Variants in E2F6 observed in about 807,000 individuals in gnomAD.
E2F6 encodes transcription factor E2F6.
E2F6 carries 19 observed loss-of-function variants against 31.5 expected under a neutral mutation model. The observed-to-expected ratio is 0.60, with a 90% CI of 0.42 to 0.89. The LOEUF (loss-of-function observed/expected upper bound fraction) is 0.89. Among genes scored for constraint, E2F6 ranks in the 40% least tolerant of loss-of-function variants. E2F6 has a pLI of 0.00. For synonymous variants in E2F6, 121 were observed against 127.7 expected, an observed-to-expected ratio of 0.95 and a Z score of 0.36; for missense variants, 269 against 341.6, an observed-to-expected ratio of 0.79 and a Z score of 1.67.
At chr2:11,455,559 A>G (rs1213651718) in intron 2 of E2F6, 3 of 832,074 alleles carry the variant, frequency 3.6e-6, no homozygotes, top group Non-Finnish European at 5.1e-6. Context: ...CAAACTCAGG[A>G]AGATTACAAA....
intron 6 of E2F6, 108 bp from the exon 7 acceptor site, chr2:11,446,631 T>G: frequency 1.1e-6 from 1 of 878,522 alleles, no homozygotes; most frequent in Non-Finnish European, 1.8e-6. Context: ...CAGAAAACCC[T>G]GAAGATGCCT....
chr2:11,454,443 C>A (rs1277755934), intron 2 of E2F6, among the ~76,000 whole-genome samples: 3 of 151,838 alleles, frequency 2.0e-5, no homozygotes, highest in African/African-American at 7.3e-5. Flanking sequence ...CAACCTCCGC[C>A]TCCAGGGTTC....
At chr2:11,465,007 C>T (rs529719989) in intron 1 of E2F6, among the ~76,000 whole-genome samples, 1 of 151,508 alleles carries the variant, frequency 6.6e-6, no homozygotes, top group Non-Finnish European at 1.5e-5. Flanking sequence ...GGCGAAATCC[C>T]GTCTCTACTA....
chr2:11,447,958 T>C (rs1020913237), intron 5 of E2F6, among the ~76,000 whole-genome samples, 184 bp from the exon 6 acceptor site: 1 of 152,216 alleles, frequency 6.6e-6, no homozygotes, highest in African/African-American at 2.4e-5. Flanking sequence ...GCTTCAGAGC[T>C]ATCATGTGAA....
chr2:11,455,043 T>G (rs1277200073), intron 2 of E2F6, among the ~76,000 whole-genome samples: 1 of 152,374 alleles, frequency 6.6e-6, no homozygotes, highest in South Asian at 2.1e-4. Context: ...AACTACTGTA[T>G]GTCCCCTTAA....
rs77112633 is a variant in E2F6 at position 11,455,128 on chromosome 2, A to G, written c.164-1330T>C. On this transcript the variant is annotated intron_variant, in intron 2 of 6. Transcript: ENST00000381525. Reference sequence around the variant, plus strand: ...GTTGTGGGTTCTATCCATTCTATGCAGTATACACGGGCCTCATCTCACATG... The same window carrying G: ...GTTGTGGGTTCTATCCATTCTATGCGGTATACACGGGCCTCATCTCACATG... 9.8e-4 allele frequency among the ~76,000 whole-genome samples: 149 copies of G among 152,348 alleles called. 5 individuals carry two copies. The East Asian group carries it at 0.025, about 25-fold the overall frequency.
chr2:11,456,449 C>T (rs1671409910), intron 2 of E2F6, among the ~76,000 whole-genome samples: 1 of 152,250 alleles, frequency 6.6e-6, no homozygotes, highest in African/African-American at 2.4e-5. Flanking sequence ...TGGGCTCTTG[C>T]GTCAGAGAGG....
In E2F6 at chr2:11,448,083, G is replaced by A. The variant is rs867659488; in HGVS notation, c.652-309C>T. Reference sequence around the variant, plus strand: ...ACACAGAACTCCAGAATACCCTAGAGTCTCACAGGATAAATATGTGCTTGG... The same window carrying A: ...ACACAGAACTCCAGAATACCCTAGAATCTCACAGGATAAATATGTGCTTGG... On this transcript the variant is annotated intron_variant, in intron 5 of 6. Coordinates refer to ENST00000381525, the MANE Select transcript of E2F6 (RefSeq NM_198256.4). 3.9e-5 allele frequency among the ~76,000 whole-genome samples: 6 copies of A among 152,136 alleles called. No homozygotes were observed. The South Asian group carries it at 1.2e-3, about 32-fold the overall frequency.
At chr2:11,459,326 T>C (rs1241497600) in intron 1 of E2F6, among the ~76,000 whole-genome samples, 1 of 152,084 alleles carries the variant, frequency 6.6e-6, no homozygotes, top group African/African-American at 2.4e-5. Context: ...ACCCATCTCA[T>C]CTAGACAGTG....
chr2:11,455,767 T>C (rs1420810152), intron 2 of E2F6, among the ~76,000 whole-genome samples: 1 of 152,194 alleles, frequency 6.6e-6, no homozygotes, highest in Non-Finnish European at 1.5e-5. Flanking sequence ...CTCCGTAGTC[T>C]AATAAGGAAC....
intron 1 of E2F6, among the ~76,000 whole-genome samples, chr2:11,460,769 G>A (rs1176818381): frequency 6.6e-6 from 1 of 152,222 alleles, no homozygotes; most frequent in African/African-American, 2.4e-5. Context: ...TGTAGAGCAT[G>A]TGACTGACTG....
At chr2:11,451,510 G>A (rs980356097) in intron 4 of E2F6, 141 bp downstream of exon 4, 3 of 817,166 alleles carry the variant, frequency 3.7e-6, no homozygotes, top group Admixed American at 3.8e-5. Flanking sequence ...GTGCCACCAC[G>A]CCTGGCTAAT....
At chr2:11,448,436 T>TC (rs1377334060) in intron 5 of E2F6, among the ~76,000 whole-genome samples, 2 of 152,184 alleles carry the variant, frequency 1.3e-5, no homozygotes, top group Non-Finnish European at 2.9e-5. Context: ...GTCTGTTTTC[T>TC]CCCCTTTAAT....
chr2:11,450,796 C>CT (rs1671014193), intron 4 of E2F6, among the ~76,000 whole-genome samples: 1 of 151,360 alleles, frequency 6.6e-6, no homozygotes, highest in Non-Finnish European at 1.5e-5. Context: ...TTTTCTTTTC[C>CT]TTCCAGTACC....
intron 2 of E2F6, among the ~76,000 whole-genome samples, chr2:11,454,548 T>C (rs1050192941): frequency 3.9e-5 from 6 of 152,106 alleles, no homozygotes; most frequent in African/African-American, 1.4e-4. Flanking sequence ...GGTTTCACCA[T>C]ATTGGCCAGG....
intron 1 of E2F6, among the ~76,000 whole-genome samples, chr2:11,460,661 T>C (rs934560718): frequency 2.6e-5 from 4 of 152,192 alleles, no homozygotes; most frequent in Non-Finnish European, 5.9e-5. Context: ...GCGATTTTGT[T>C]GCGTGAACAT....
In E2F6 at chr2:11,450,126, T is replaced by C. The variant is rs758327916; in HGVS notation, c.537A>G (p.Arg179=). 6.2e-6 allele frequency: 10 copies of C among 1,603,110 alleles called. No homozygotes were observed. The highest frequency in any genetic ancestry group is 1.1e-5 in the South Asian group (1 of 90,452). Residue 179 remains arginine, a splice_region_variant and synonymous_variant, in exon 5 of 7, where the codon AGA becomes AGG. Transcript: ENST00000381525. ...TGTCTTGATAGGTCACATATGCTAGTGTAAAACTCAGTCAAGGATCTCTAC... is the reference window on the plus strand; with the variant it reads ...TGTCTTGATAGGTCACATATGCTAGCGTAAAACTCAGTCAAGGATCTCTAC... ...FELTDDKENE[R]LAYVTYQDIH... is the part of the protein sequence containing the mutation.
intron 4 of E2F6, among the ~76,000 whole-genome samples, chr2:11,450,665 C>A (rs186021318): frequency 1.3e-5 from 2 of 152,344 alleles, no homozygotes; most frequent in East Asian, 3.9e-4. Flanking sequence ...TTCCATCTCA[C>A]TACCTGAGTC....
intron 5 of E2F6, among the ~76,000 whole-genome samples, chr2:11,449,375 C>T (rs1446749007): frequency 1.3e-5 from 2 of 152,178 alleles, no homozygotes; most frequent in East Asian, 3.8e-4. Context: ...ACTGTGAGCA[C>T]CGATGGGTCT....
Sources: gnomAD v4.1 joint callset for allele counts (sites outside exome capture counted in the v4.1 genomes callset) on GRCh38, gnomAD v4.1.1 for gene constraint, MANE v1.5 for transcripts, NCBI Gene and HGNC (gene_info 2026-07-23, HGNC 2026-07-21) for gene names.